The following SCAPER variants were observed in gnomAD, a reference collection of about 807,000 sequenced individuals.
The protein encoded by SCAPER is S phase cyclin A-associated protein in the endoplasmic reticulum.
SCAPER carries 98 observed loss-of-function variants against 182.2 expected under a neutral mutation model. The observed-to-expected ratio is 0.54, with a 90% CI of 0.46 to 0.64. The LOEUF (loss-of-function observed/expected upper bound fraction) is 0.64. SCAPER is among the 30% of genes least tolerant of loss of function. The probability of loss-of-function intolerance (pLI) is 0.00; values close to 1 mark genes in which losing one functional copy is unlikely to be tolerated. For synonymous variants in SCAPER, 605 were observed against 564.6 expected, an observed-to-expected ratio of 1.07 and a Z score of -1.01; for missense variants, 1,432 against 1,690.0, an observed-to-expected ratio of 0.85 and a Z score of 2.68.
chr15:76,424,336 C>T (rs1390618555), intron 26 of SCAPER, among the ~76,000 whole-genome samples: 2 of 152,180 alleles, frequency 1.3e-5, no homozygotes, highest in African/African-American at 2.4e-5. Context: ...GGATAGTTAG[C>T]TCTTCTTGTT....
intron 8 of SCAPER, among the ~76,000 whole-genome samples, chr15:76,776,311 C>T (rs2063741416): frequency 6.6e-6 from 1 of 152,150 alleles, no homozygotes; most frequent in African/African-American, 2.4e-5. Context: ...CACTCTACTG[C>T]AGCCAAACAC....
intron 1 of SCAPER, among the ~76,000 whole-genome samples, chr15:76,900,121 A>G (rs1327594601): frequency 6.6e-6 from 1 of 152,096 alleles, no homozygotes; most frequent in African/African-American, 2.4e-5. Flanking sequence ...GTGCTTTGTT[A>G]AACAGATGCT....
intron 20 of SCAPER, among the ~76,000 whole-genome samples, chr15:76,681,906 G>A (rs1488864952): frequency 6.6e-6 from 1 of 152,168 alleles, no homozygotes; most frequent in Non-Finnish European, 1.5e-5. Context: ...GCTCCTCTAG[G>A]AGATTTTAGC....
In SCAPER at chr15:76,800,454, AT is replaced by A. The variant is rs547107871; in HGVS notation, c.495-91del. The A allele has an allele frequency of 1.0e-3, 820 of 807,710 alleles. 6 individuals carry two copies. In the African/African-American group the frequency reaches 0.011, roughly 11 times the overall value. The allele number at this position is 807,710 out of a possible 1,614,324, so 50.0% of individuals were successfully genotyped here. A position where few individuals can be genotyped will look rare whatever the true frequency, so the allele number is the denominator to read the frequency against. On this transcript the variant is annotated intron_variant, in intron 6 of 31. Transcript: ENST00000563290. ...CTCTTGGTTGTTAGTGGCTGAAAAA[AT>A]AATCCTACTTTTCAACAACAACAAC...
chr15:76,718,092 T>A (rs868024761), intron 17 of SCAPER, among the ~76,000 whole-genome samples: 3 of 152,288 alleles, frequency 2.0e-5, no homozygotes, highest in South Asian at 4.1e-4. Context: ...CAGATCACTA[T>A]GATATAAAAC....
chr15:76,543,152 ATT>A (rs1412054359), intron 23 of SCAPER, among the ~76,000 whole-genome samples: 1 of 152,220 alleles, frequency 6.6e-6, no homozygotes, highest in African/African-American at 2.4e-5. Flanking sequence ...GAAAAAATGC[ATT>A]GAGTGTCAAC....
At chr15:76,801,649 G>C (rs1391513389) in intron 6 of SCAPER, among the ~76,000 whole-genome samples, 2 of 150,944 alleles carry the variant, frequency 1.3e-5, no homozygotes, top group South Asian at 2.1e-4. Flanking sequence ...GCCAGGCATG[G>C]TGGCCCATTC....
intron 26 of SCAPER, among the ~76,000 whole-genome samples, chr15:76,411,794 CTT>C (rs1474343187): frequency 1.3e-5 from 2 of 152,220 alleles, no homozygotes; most frequent in South Asian, 2.1e-4. Context: ...TATCATCAAT[CTT>C]TTTTATTTTA....
rs1464499031 is a variant in SCAPER, at chr15:76,434,262, T to C, written c.3127A>G (p.Lys1043Glu). ...GTTGTCAAGCCTTCAAAAACTTGTTTATTTGTATTTCTCCCCAAAATAGTA... is the reference window on the plus strand; with the variant it reads ...GTTGTCAAGCCTTCAAAAACTTGTTCATTTGTATTTCTCCCCAAAATAGTA... ...NNTILGRNTN[K>E]QVFEGLTTGL... The change falls in exon 26 of 32, where the codon AAA becomes GAA. Residue 1043 changes from lysine to glutamate, a missense_variant. Lys to Glu is a moderately conservative substitution (Grantham distance 56, BLOSUM62 1). Around this residue, in one of 5 missense-constraint regions of SCAPER, gnomAD observed 718 missense variants for 799.7 expected, o/e 0.90. Coordinates refer to ENST00000563290, the MANE Select transcript of SCAPER (RefSeq NM_020843.4). The C allele has an allele frequency of 6.2e-6, 10 of 1,613,732 alleles. No individual in the cohort carries two copies. Among genetic ancestry groups the C allele is most frequent in the Non-Finnish European group, 8.5e-6 (10 of 1,179,760 alleles).
chr15:76,757,461 C>T (rs1342877739), intron 14 of SCAPER, among the ~76,000 whole-genome samples: 201 of 151,460 alleles, frequency 1.3e-3, no homozygotes, highest in Non-Finnish European at 2.1e-3. Flanking sequence ...TATATACACA[C>T]ACACACACAC....
At chr15:76,736,724 T>C (rs1598438087) in intron 15 of SCAPER, 1 of 154,634 alleles carries the variant, frequency 6.5e-6, no homozygotes, top group African/African-American at 2.4e-5. Context: ...GCTAAGCGGG[T>C]GTCCCCTTCC....
intron 21 of SCAPER, among the ~76,000 whole-genome samples, chr15:76,645,262 T>C (rs12903291): frequency 6.6e-6 from 1 of 152,160 alleles, no homozygotes; most frequent in Non-Finnish European, 1.5e-5. Context: ...AAATGAGGGA[T>C]GACTATATAT....
At chr15:76,440,264 G>C (rs2047470919) in intron 25 of SCAPER, among the ~76,000 whole-genome samples, 1 of 152,172 alleles carries the variant, frequency 6.6e-6, no homozygotes, top group African/African-American at 2.4e-5. Flanking sequence ...ATAGGACCAA[G>C]CCCTGAATCA....
chr15:76,888,454 G>A (rs2073979391), intron 1 of SCAPER, among the ~76,000 whole-genome samples: 1 of 152,204 alleles, frequency 6.6e-6, no homozygotes, highest in Non-Finnish European at 1.5e-5. Flanking sequence ...TGGCTAACTA[G>A]AATGAACAGT....
chr15:76,495,201 C>T (rs1356824605), intron 24 of SCAPER, among the ~76,000 whole-genome samples: 1 of 152,082 alleles, frequency 6.6e-6, no homozygotes, highest in Non-Finnish European at 1.5e-5. Context: ...AATACGTTCA[C>T]TCTCTAGTAT....
At chr15:76,359,351 T>C (rs1410216699) in intron 29 of SCAPER, among the ~76,000 whole-genome samples, 2 of 152,228 alleles carry the variant, frequency 1.3e-5, no homozygotes, top group Non-Finnish European at 2.9e-5. Flanking sequence ...TCCCTGGCCC[T>C]GCCTGCACGA....
chr15:76,563,332 T>G (rs1052571176), intron 23 of SCAPER, among the ~76,000 whole-genome samples: 1 of 152,094 alleles, frequency 6.6e-6, no homozygotes, highest in Non-Finnish European at 1.5e-5. Context: ...GTTTACATAA[T>G]AATAGAAAAT....
chr15:76,820,174 G>C (rs367772265), intron 5 of SCAPER, among the ~76,000 whole-genome samples: 84 of 152,138 alleles, frequency 5.5e-4, no homozygotes, highest in Non-Finnish European at 2.4e-4. Context: ...TGTGGAAGTC[G>C]GTGTGGCGAT....
Position 76,381,400 on chromosome 15 carries a change from G to A in SCAPER, c.3683C>T (p.Ala1228Val). 1 of 1,613,518 alleles carries A rather than the reference G, an allele frequency of 6.2e-7. No homozygotes were observed. Among genetic ancestry groups the A allele is most frequent in the Non-Finnish European group, 8.5e-7 (1 of 1,179,700 alleles). ...QSLRFFNSFA[A>V]LHLPAFQSIV... ...TACCTGAAAAGCAGGCAGATGAAGA[G>A]CTGCAAAGCTGTTGAAGAAACGTAA... Residue 1228 changes from alanine to valine, a missense_variant, in exon 28 of 32, where the codon GCT (alanine) becomes GTT (valine). Ala to Val is a moderately conservative substitution (Grantham distance 64, BLOSUM62 0). Around this residue, in one of 5 missense-constraint regions of SCAPER, gnomAD observed 718 missense variants for 799.7 expected, o/e 0.90. Transcript: ENST00000563290.
Sources: allele counts gnomAD v4.1 joint callset (sites outside exome capture counted in the v4.1 genomes callset), GRCh38; gene constraint gnomAD v4.1.1; regional missense constraint gnomAD v4.1.1; transcripts MANE v1.5; gene names NCBI Gene and HGNC (gene_info 2026-07-23, HGNC 2026-07-21).